GYPC: variants seen among roughly 807,000 people sequenced by gnomAD.
GYPC encodes the protein glycophorin C (Gerbich blood group).
In GYPC, 14 loss-of-function variants were observed where a neutral mutation model predicts 12.6. That is an observed-to-expected ratio of 1.11 (90% CI 0.74 to 1.74). GYPC has a LOEUF of 1.74. Ranked by LOEUF, GYPC falls within the 40% of genes most tolerant of loss-of-function variation. The pLI is 0.00. For synonymous variants in GYPC, 78 were observed against 62.1 expected (o/e 1.26, Z -1.20); for missense variants, 225 against 172.1 (o/e 1.31, Z -1.72).
At chr2:126,687,922 C>T (rs1428360991) in intron 1 of GYPC, among the ~76,000 whole-genome samples, 1 of 152,098 alleles carries the variant, frequency 6.6e-6, no homozygotes, top group African/African-American at 2.4e-5. Context: ...TACCAAGGCT[C>T]TACACTTTGC....
intron 1 of GYPC, among the ~76,000 whole-genome samples, chr2:126,689,526 G>A (rs1683392951): frequency 6.6e-6 from 1 of 150,624 alleles, no homozygotes; most frequent in Non-Finnish European, 1.5e-5. Flanking sequence ...GGATAGTTGA[G>A]TCACAGGGGC....
At position 126,696,183 on chromosome 2, in the gene GYPC, C is replaced by G; in HGVS notation, c.*41C>G. ...ACTTCCCTGAATGCCTCCCCCATCT[C>G]CATCAGGAAAAATACACCCCATCGC... On this transcript the variant is annotated 3_prime_UTR_variant, in exon 4 of 4. Coordinates refer to ENST00000259254, the MANE Select transcript of GYPC (RefSeq NM_002101.5). The G allele has an allele frequency of 6.8e-7, 1 of 1,462,528 alleles. No individual in the cohort carries two copies. Among genetic ancestry groups the G allele is most frequent in the Non-Finnish European group, 9.6e-7 (1 of 1,045,390 alleles). 90.6% of individuals were successfully genotyped at this position (1,462,528 alleles called of 1,614,324 possible). A position where few individuals can be genotyped will look rare whatever the true frequency, so the allele number is the denominator to read the frequency against.
rs755155057 is a variant in GYPC, at chr2:126,693,973, A to C, written c.190+26A>C. ...GTGAGCTCTCATCACAGAGCCCTTC[A>C]AGCAGCCAGGGTGGGGGGCCTTGGT... is the stretch of plus-strand genomic sequence containing the variant. On this transcript the variant is annotated intron_variant, in intron 3 of 3. Transcript: ENST00000259254. The C allele has an allele frequency of 5.2e-5, 77 of 1,490,486 alleles. No homozygotes were observed. In the South Asian group the frequency reaches 8.3e-4, roughly 16 times the overall value. The allele number at this position is 1,490,486 out of a possible 1,614,324, so 92.3% of individuals were successfully genotyped here.
intron 1 of GYPC, among the ~76,000 whole-genome samples, chr2:126,675,257 AATCT>A (rs1473476870): frequency 2.0e-5 from 3 of 152,350 alleles, no homozygotes; most frequent in African/African-American, 7.2e-5. Context: ...AATGAACAGA[AATCT>A]ATTTTGTATG....
At chr2:126,678,233 G>C (rs1425325193) in intron 1 of GYPC, 1 of 151,408 alleles carries the variant, frequency 6.6e-6, no homozygotes, top group African/African-American at 2.4e-5. Flanking sequence ...AAAAAGGAAA[G>C]GAAAGGAAAG....
At chr2:126,692,860 A>G (rs957536551) in intron 2 of GYPC, among the ~76,000 whole-genome samples, 3 of 152,202 alleles carry the variant, frequency 2.0e-5, no homozygotes, top group Admixed American at 6.5e-5. Context: ...TCCAGAGGCA[A>G]GAGCACTGGC....
intron 1 of GYPC, among the ~76,000 whole-genome samples, chr2:126,684,185 C>T (rs1683225300): frequency 6.6e-6 from 1 of 152,174 alleles, no homozygotes; most frequent in Non-Finnish European, 1.5e-5. Flanking sequence ...ACCTTCAGGG[C>T]AATCATTTTG....
chr2:126,690,573 T>C (rs1333277563), intron 2 of GYPC, among the ~76,000 whole-genome samples: 2 of 152,214 alleles, frequency 1.3e-5, no homozygotes, highest in Non-Finnish European at 2.9e-5. Flanking sequence ...TTTATATTTA[T>C]TGGCCTTTCT....
intron 1 of GYPC, among the ~76,000 whole-genome samples, chr2:126,689,363 C>G (rs970933988): frequency 6.6e-6 from 1 of 152,154 alleles, no homozygotes; most frequent in Non-Finnish European, 1.5e-5. Context: ...CCAGGCACCT[C>G]ATAGGATGGA....
intron 1 of GYPC, chr2:126,685,952 C>T (rs928909989): frequency 1.6e-5 from 16 of 985,302 alleles, no homozygotes; most frequent in Non-Finnish European, 1.8e-5. Flanking sequence ...CTCAACTCCC[C>T]TCCTTCGAGC....
intron 1 of GYPC, among the ~76,000 whole-genome samples, chr2:126,669,458 G>A (rs1682779619): frequency 6.6e-6 from 1 of 152,056 alleles, no homozygotes; most frequent in Admixed American, 6.5e-5. Context: ...CGGAAACTGG[G>A]GAGTTTCAAG....
intron 1 of GYPC, among the ~76,000 whole-genome samples, chr2:126,657,086 C>A (rs1682384164): frequency 6.6e-6 from 1 of 152,204 alleles, no homozygotes; most frequent in Non-Finnish European, 1.5e-5. Flanking sequence ...GAGGAGATAC[C>A]CTGAGCCTAT....
chr2:126,685,800 C>T (rs141290762), intron 1 of GYPC: 5 of 985,088 alleles, frequency 5.1e-6, no homozygotes, highest in Non-Finnish European at 6.0e-6. Context: ...TGCTGCATCA[C>T]TGTCATCAAC....
At chr2:126,688,072 T>C (rs558520463) in intron 1 of GYPC, among the ~76,000 whole-genome samples, 141 of 152,332 alleles carry the variant, frequency 9.3e-4, no homozygotes, top group Non-Finnish European at 1.6e-3. Flanking sequence ...GGGCTAATAA[T>C]AACTCCTATC....
chr2:126,687,031 C>A (rs1431398865), intron 1 of GYPC, among the ~76,000 whole-genome samples: 2 of 152,146 alleles, frequency 1.3e-5, no homozygotes, highest in African/African-American at 4.8e-5. Context: ...CTCCAAAGAC[C>A]TGATATCACT....
intron 1 of GYPC, chr2:126,675,779 A>G (rs556681815): frequency 3.6e-6 from 2 of 548,954 alleles, no homozygotes; most frequent in Admixed American, 6.4e-5. Context: ...AGTGATATTC[A>G]CCGTAGTAGT....
At chr2:126,669,768 G>C (rs1398435885) in intron 1 of GYPC, among the ~76,000 whole-genome samples, 1 of 152,164 alleles carries the variant, frequency 6.6e-6, no homozygotes, top group Non-Finnish European at 1.5e-5. Context: ...GTTCCGATGA[G>C]CTAGTGTTTC....
Position 126,696,158 on chromosome 2 carries a change from A to G in GYPC, c.*16A>G. 6.3e-7 allele frequency: 1 copy of G among 1,593,808 alleles called. No homozygotes were observed. On this transcript the variant is annotated 3_prime_UTR_variant, in exon 4 of 4. Coordinates refer to ENST00000259254, the MANE Select transcript of GYPC (RefSeq NM_002101.5). The stretch of plus-strand genomic sequence containing the variant: ...CTTTATTTGAGGGACAACAGACTTC[A>G]CTTCCCTGAATGCCTCCCCCATCTC...
chr2:126,667,900 A>G (rs914618805), intron 1 of GYPC, among the ~76,000 whole-genome samples: 4 of 152,186 alleles, frequency 2.6e-5, no homozygotes, highest in South Asian at 4.1e-4. Context: ...TGCACAGGAG[A>G]CATAAAGGGA....
Sources: allele counts gnomAD v4.1 joint callset (sites outside exome capture counted in the v4.1 genomes callset), GRCh38; gene constraint gnomAD v4.1.1; transcripts MANE v1.5; gene names NCBI Gene and HGNC (gene_info 2026-07-23, HGNC 2026-07-21).